LDLRAD4: variants seen among roughly 807,000 people sequenced by gnomAD.
LDLRAD4 encodes low-density lipoprotein receptor class A domain-containing protein 4.
A neutral mutation model predicts 17.0 loss-of-function variants in LDLRAD4; 5 were observed. The observed-to-expected ratio is 0.29, with a 90% CI of 0.15 to 0.62. The LOEUF is 0.62. LDLRAD4 is among the 20% of genes least tolerant of loss of function. LDLRAD4 has a pLI of 0.84. For synonymous variants in LDLRAD4, 168 were observed against 171.8 expected (o/e 0.98, Z 0.17); for missense variants, 340 against 424.7 (o/e 0.80, Z 1.75).
intron 1 of LDLRAD4, among the ~76,000 whole-genome samples, chr18:13,387,106 C>A (rs563368073): frequency 6.6e-6 from 1 of 152,188 alleles, no homozygotes; most frequent in African/African-American, 2.4e-5. Context: ...GTTTCTTCCC[C>A]GAGGTGTCTG....
Position 13,496,235 on chromosome 18 carries a change from C to T in LDLRAD4, c.181+57851C>T, listed in dbSNP as rs144933092. On this transcript the variant is annotated intron_variant, in intron 3 of 5. Coordinates refer to ENST00000359446, the Ensembl canonical transcript of LDLRAD4. ...CTGTCAGGAAATCGTGTGCGTTGTT[C>T]AGGAAGATGGTGGAGTCTGTTCCTC... Among the ~76,000 whole-genome samples the T allele has an allele frequency of 2.9e-3, 439 of 152,216 alleles. 1 individual carries two copies. The highest frequency in any genetic ancestry group is 0.01 in the African/African-American group (418 of 41,524).
At chr18:13,519,158 A>G (rs2093915525) in intron 3 of LDLRAD4, among the ~76,000 whole-genome samples, 1 of 152,174 alleles carries the variant, frequency 6.6e-6, no homozygotes, top group Admixed American at 6.5e-5. Context: ...TCCTTAGCTC[A>G]TGGGCTCCAA....
At chr18:13,424,947 T>C (rs1343690384) in intron 2 of LDLRAD4, among the ~76,000 whole-genome samples, 1 of 152,196 alleles carries the variant, frequency 6.6e-6, no homozygotes, top group East Asian at 1.9e-4. Flanking sequence ...TATGGAAAGA[T>C]TTGAGGTCGA....
rs557826033 is a variant in LDLRAD4, at chr18:13,516,323, C to T, written c.181+77939C>T. Among the ~76,000 whole-genome samples, 3 of 152,326 alleles carry T rather than the reference C, an allele frequency of 2.0e-5. No homozygotes were observed. In the South Asian group the frequency reaches 6.2e-4, roughly 32 times the overall value. The stretch of plus-strand genomic sequence containing the variant: ...TTTACAGCAGCAGTGAAGCCATGAA[C>T]GATCTCTTCCGGGTGTCCTAGAGGA... On this transcript the variant is annotated intron_variant, in intron 3 of 5. Coordinates refer to ENST00000359446, the Ensembl canonical transcript of LDLRAD4.
At chr18:13,324,956 G>T (rs2081442144) in intron 1 of LDLRAD4, among the ~76,000 whole-genome samples, 1 of 152,190 alleles carries the variant, frequency 6.6e-6, no homozygotes, top group Non-Finnish European at 1.5e-5. Flanking sequence ...AATTACGCAT[G>T]CGTCTCTTGT....
intron 3 of LDLRAD4, among the ~76,000 whole-genome samples, chr18:13,550,256 A>T (rs2094418169): frequency 6.6e-6 from 1 of 152,210 alleles, no homozygotes; most frequent in Non-Finnish European, 1.5e-5. Context: ...GAATATAAAA[A>T]CACAGAGCCC....
chr18:13,582,489 C>T (rs1367963017), intron 3 of LDLRAD4, among the ~76,000 whole-genome samples: 1 of 152,178 alleles, frequency 6.6e-6, no homozygotes, highest in Non-Finnish European at 1.5e-5. Context: ...GGCCCCCAGC[C>T]GAGGGCAGTG....
At chr18:13,545,597 C>CCA (rs553430307) in intron 3 of LDLRAD4, among the ~76,000 whole-genome samples, 40 of 152,240 alleles carry the variant, frequency 2.6e-4, no homozygotes, top group East Asian at 1.2e-3. Context: ...GGTTACTCTT[C>CCA]CACACACACA....
intron 2 of LDLRAD4, chr18:13,421,241 T>G (rs1399379079): frequency 2.6e-5 from 4 of 152,294 alleles, no homozygotes; most frequent in Non-Finnish European, 5.9e-5. Context: ...AGTTTGACTC[T>G]TATTTCCAGA....
intron 3 of LDLRAD4, chr18:13,563,087 G>A (rs149468407): frequency 6.6e-6 from 1 of 152,234 alleles, no homozygotes; most frequent in East Asian, 1.9e-4. Flanking sequence ...GGACAGACCT[G>A]ATGGTTTACC....
At chr18:13,351,877 A>C (rs551373648) in intron 1 of LDLRAD4, among the ~76,000 whole-genome samples, 1 of 152,348 alleles carries the variant, frequency 6.6e-6, no homozygotes, top group East Asian at 1.9e-4. Flanking sequence ...AGATACTGGC[A>C]AACCGAATCC....
chr18:13,548,370 C>T (rs765000288), intron 3 of LDLRAD4, among the ~76,000 whole-genome samples: 1 of 152,214 alleles, frequency 6.6e-6, no homozygotes, highest in Non-Finnish European at 1.5e-5. Context: ...GGCGCCCAGG[C>T]TGTTGGTGCC....
chr18:13,638,208 G>A (rs1171013614), intron 4 of LDLRAD4, among the ~76,000 whole-genome samples: 1 of 152,130 alleles, frequency 6.6e-6, no homozygotes, highest in Non-Finnish European at 1.5e-5. Context: ...GGAGTTCAAT[G>A]CTATGAGCAC....
intron 3 of LDLRAD4, among the ~76,000 whole-genome samples, chr18:13,452,920 G>A (rs1194139556): frequency 6.6e-6 from 1 of 152,134 alleles, no homozygotes; most frequent in African/African-American, 2.4e-5. Context: ...CAGAGGCAAC[G>A]TCCTGGGGCA....
chr18:13,568,925 C>T (rs1473204271), intron 3 of LDLRAD4, among the ~76,000 whole-genome samples: 1 of 152,200 alleles, frequency 6.6e-6, no homozygotes, highest in Non-Finnish European at 1.5e-5. Flanking sequence ...TCATACCCCA[C>T]CTTCACCAAT....
At chr18:13,532,701 G>C (rs776294147) in intron 3 of LDLRAD4, among the ~76,000 whole-genome samples, 28 of 152,220 alleles carry the variant, frequency 1.8e-4, no homozygotes, top group Non-Finnish European at 3.8e-4. Context: ...ACCTTCATCG[G>C]ACTTGGCAGG....
chr18:13,478,960 G>A (rs1055415388), intron 3 of LDLRAD4, among the ~76,000 whole-genome samples: 2 of 152,222 alleles, frequency 1.3e-5, no homozygotes, highest in Non-Finnish European at 2.9e-5. Context: ...CCCAGAAGCA[G>A]ATCCACATAA....
Position 13,609,545 on chromosome 18 carries a change from G to A in LDLRAD4, c.182-11572G>A, listed in dbSNP as rs372412660. Among the ~76,000 whole-genome samples, 601 of 152,212 alleles carry A rather than the reference G, an allele frequency of 3.9e-3. 3 individuals carry two copies. Among genetic ancestry groups the A allele is most frequent in the African/African-American group, 0.014 (577 of 41,516 alleles). On this transcript the variant is annotated intron_variant, in intron 3 of 5. Transcript: ENST00000359446. ...TGTGTGTGTGCGTGTGTGTGTGTGT[G>A]TGTGTGTGTGTGTTAGGTGTGGGCA...
intron 3 of LDLRAD4, chr18:13,500,773 A>G (rs1245488570): frequency 6.6e-6 from 1 of 152,246 alleles, no homozygotes; most frequent in South Asian, 2.1e-4. Flanking sequence ...TGGATTGTTG[A>G]CAGTAACCAC....
Sources: allele counts gnomAD v4.1 joint callset (sites outside exome capture counted in the v4.1 genomes callset), GRCh38; gene constraint gnomAD v4.1.1; transcripts MANE v1.5; gene names NCBI Gene and HGNC (gene_info 2026-07-23, HGNC 2026-07-21).